The following CCDC66 variants were observed in gnomAD, a reference collection of about 807,000 sequenced individuals.
The protein encoded by CCDC66 is coiled-coil domain containing 66.
A neutral mutation model predicts 128.3 loss-of-function variants in CCDC66; 133 were observed. That is an observed-to-expected ratio of 1.04 (90% CI 0.90 to 1.20). The LOEUF is 1.20. Ranked by LOEUF, CCDC66 falls within the 50% of genes most tolerant of loss-of-function variation. The pLI is 0.00. For missense variants in CCDC66, 1,126 were observed against 1,075.5 expected (o/e 1.05, Z -0.66); for synonymous variants, 387 against 357.0 (o/e 1.08, Z -0.95).
rs1559788601 is a variant in CCDC66, at chr3:56,619,518, A to C, written c.2626A>C (p.Asn876His). ...TTCAACCCAGGACCCTCAGTACCAA[A>C]ATTCACAAGGTAAGTAAATATTAAG... ...GPSTQDPQYQNSQDCGQKRQL... is the reference protein window; with the variant it reads ...GPSTQDPQYQHSQDCGQKRQL... Residue 876 changes from asparagine to histidine, a missense_variant, in exon 16 of 18, where the codon AAT (asparagine) becomes CAT (histidine). Physicochemically the swap from Asn to His is moderately conservative, Grantham distance 68. Coordinates refer to ENST00000394672, the MANE Select transcript of CCDC66 (RefSeq NM_001141947.3). 9.3e-6 allele frequency: 15 copies of C among 1,606,592 alleles called. No individual in the cohort carries two copies. Among genetic ancestry groups the C allele is most frequent in the Non-Finnish European group, 1.3e-5 (15 of 1,177,364 alleles).
chr3:56,585,759 TA>T (rs2069580574), intron 7 of CCDC66, among the ~76,000 whole-genome samples: 1 of 151,882 alleles, frequency 6.6e-6, no homozygotes, highest in Non-Finnish European at 1.5e-5. Context: ...GATGTTCATT[TA>T]TAAAGAGAAC....
intron 10 of CCDC66, among the ~76,000 whole-genome samples, chr3:56,597,910 G>A (rs2072391884): frequency 6.6e-6 from 1 of 150,718 alleles, no homozygotes; most frequent in Admixed American, 6.6e-5. Context: ...AAGTAGCTGG[G>A]ACTACAGGCA....
At chr3:56,615,720 G>C (rs1293725668) in intron 12 of CCDC66, 8 of 395,514 alleles carry the variant, frequency 2.0e-5, no homozygotes, top group Non-Finnish European at 3.5e-5. Flanking sequence ...TGTACTTTTT[G>C]TGTCTATTTT....
At chr3:56,593,408 A>G in intron 8 of CCDC66, 83 bp from the exon 9 acceptor site, 2 of 1,487,238 alleles carry the variant, frequency 1.3e-6, no homozygotes, top group Non-Finnish European at 1.8e-6. Flanking sequence ...GGTGACTTTT[A>G]GAAATCATCT....
At chr3:56,577,820 A>T (rs2067642797) in intron 7 of CCDC66, among the ~76,000 whole-genome samples, 1 of 151,858 alleles carries the variant, frequency 6.6e-6, no homozygotes, top group Non-Finnish European at 1.5e-5. Flanking sequence ...TGGTTATGGT[A>T]ACCTTGTAGT....
At chr3:56,618,445 CTA>C (rs1230434882) in intron 15 of CCDC66, 4 of 437,676 alleles carry the variant, frequency 9.1e-6, no homozygotes, top group South Asian at 1.1e-4. Flanking sequence ...ACTTTTATCT[CTA>C]GACTTAACTA....
rs759341415 is a variant in CCDC66 at position 56,566,693 on chromosome 3, C to G, written c.644C>G (p.Ala215Gly). The G allele has an allele frequency of 3.7e-6, 6 of 1,613,284 alleles. No homozygotes were observed. The South Asian group carries it at 5.5e-5, about 15-fold the overall frequency. The change falls in exon 5 of 18, where the codon GCT (alanine) becomes GGT (glycine). Residue 215 changes from alanine (A) to glycine (G), a missense_variant. Ala to Gly is a moderately conservative substitution (Grantham distance 60, BLOSUM62 0). Transcript: ENST00000394672. ...KKTEMVSSVP[A>G]ENKSVLNEHQ... ...ACTGAAATGGTTTCATCTGTCCCAGCTGAAAATAAATCTGTCTTAAATGAA... is the reference window on the plus strand; with the variant it reads ...ACTGAAATGGTTTCATCTGTCCCAGGTGAAAATAAATCTGTCTTAAATGAA...
chr3:56,561,217 T>A, intron 3 of CCDC66: 1 of 455,938 alleles, frequency 2.2e-6, no homozygotes, highest in South Asian at 1.6e-5. Context: ...AGTTCCTAGA[T>A]GAAAAGCTGT....
chr3:56,621,236 T>A (rs2076554792), intron 17 of CCDC66: 2 of 218,924 alleles, frequency 9.1e-6, no homozygotes, highest in Non-Finnish European at 1.8e-5. Flanking sequence ...TAAGAGCACT[T>A]GGGGGTGGAC....
chr3:56,615,307 T>C, intron 12 of CCDC66, 35 bp downstream of exon 12: 1 of 1,555,536 alleles, frequency 6.4e-7, no homozygotes, highest in South Asian at 1.2e-5. Context: ...TTATAATATT[T>C]TTAGAAGATG....
intron 10 of CCDC66, among the ~76,000 whole-genome samples, chr3:56,603,102 T>C (rs574348465): frequency 3.9e-5 from 6 of 152,154 alleles, no homozygotes; most frequent in African/African-American, 1.2e-4. Flanking sequence ...CCCAAAGTAC[T>C]GGGATTACAG....
rs377469116 is a variant in CCDC66 at position 56,564,139 on chromosome 3, A to C, written c.544+14A>C. ...AGGAGGCAAAAAGTAAGATTTTTCT[A>C]AAGTTTTCATGAATTTTGATTTTTT... On this transcript the variant is annotated intron_variant, in intron 4 of 17. Transcript: ENST00000394672. 6.4e-7 allele frequency: 1 copy of C among 1,573,008 alleles called. No individual in the cohort carries two copies. Among genetic ancestry groups the C allele is most frequent in the African/African-American group, 1.4e-5 (1 of 72,918 alleles).
At chr3:56,571,850 C>G (rs542068811) in intron 7 of CCDC66, among the ~76,000 whole-genome samples, 1 of 152,210 alleles carries the variant, frequency 6.6e-6, no homozygotes, top group South Asian at 2.1e-4. Flanking sequence ...TCCCAAATGG[C>G]TGGTACTACA....
chr3:56,578,656 A>G (rs146342789), intron 7 of CCDC66, among the ~76,000 whole-genome samples: 1 of 151,978 alleles, frequency 6.6e-6, no homozygotes, highest in Non-Finnish European at 1.5e-5. Flanking sequence ...TTGTGCAACT[A>G]TTGAGATAAT....
rs1400216359 is a variant in CCDC66, at chr3:56,619,351, G to A, written c.2459G>A (p.Ser820Asn). 2 of 1,613,680 alleles carry A rather than the reference G, an allele frequency of 1.2e-6. No individual in the cohort carries two copies. The highest frequency in any genetic ancestry group is 2.2e-5 in the East Asian group (1 of 44,856). ...QNTLHLPLKN[S>N]SYERENLISG... The stretch of plus-strand genomic sequence containing the variant: ...ACATTACATTTACCACTAAAAAACA[G>A]TAGCTATGAGAGAGAGAATTTGATC... Residue 820 changes from serine (S) to asparagine (N), a missense_variant, in exon 16 of 18, where the codon AGT (serine) becomes AAT (asparagine). Coordinates refer to ENST00000394672, the MANE Select transcript of CCDC66 (RefSeq NM_001141947.3).
chr3:56,617,158 A>C lies in CCDC66; in HGVS notation c.1890A>C (p.Gly630=), dbSNP rs776333884. 3 of 1,604,036 alleles carry C rather than the reference A, an allele frequency of 1.9e-6. No individual in the cohort carries two copies. Among genetic ancestry groups the C allele is most frequent in the Non-Finnish European group, 2.6e-6 (3 of 1,175,750 alleles). The change falls in exon 14 of 18, where the codon GGA becomes GGC. Residue 630 remains glycine (G), a synonymous_variant. Coordinates refer to ENST00000394672, the MANE Select transcript of CCDC66 (RefSeq NM_001141947.3). ...TCACCAATGCAGAATCACATTGTGGATCATTAATGGAGAGGGACATCACAA... is the reference window on the plus strand; with the variant it reads ...TCACCAATGCAGAATCACATTGTGGCTCATTAATGGAGAGGGACATCACAA... ...GIFTNAESHC[G]SLMERDITNC... is the part of the protein sequence containing the mutation.
At chr3:56,615,849 T>G in intron 12 of CCDC66, 73 bp from the exon 13 acceptor site, 1 of 1,281,976 alleles carries the variant, frequency 7.8e-7, no homozygotes, top group Non-Finnish European at 1.1e-6. Flanking sequence ...ATTATTGTAT[T>G]TAGTTGCTGC....
At chr3:56,620,823 T>C (rs1212478559) in intron 17 of CCDC66, 1 of 152,186 alleles carries the variant, frequency 6.6e-6, no homozygotes, top group Non-Finnish European at 1.5e-5. Flanking sequence ...ACCCTTCTGT[T>C]AGCATCTAAG....
intron 7 of CCDC66, among the ~76,000 whole-genome samples, chr3:56,580,384 T>C (rs112326196): frequency 0.38 from 58,301 of 151,690 alleles, 13,961 homozygotes; most frequent in Non-Finnish European, 0.54. Context: ...CTGTGTCTTT[T>C]AATTGGAGCA....
Sources: allele counts gnomAD v4.1 joint callset (sites outside exome capture counted in the v4.1 genomes callset), GRCh38; gene constraint gnomAD v4.1.1; transcripts MANE v1.5; gene names NCBI Gene and HGNC (gene_info 2026-07-23, HGNC 2026-07-21).